The following CPEB3 variants were observed in gnomAD, a reference collection of about 807,000 sequenced individuals.
CPEB3 encodes cytoplasmic polyadenylation element-binding protein 3.
Under a neutral mutation model 67.2 loss-of-function variants are expected in CPEB3, and 20 were observed. The observed-to-expected ratio is 0.30, with a 90% CI of 0.21 to 0.43. The LOEUF (loss-of-function observed/expected upper bound fraction) is 0.43, where lower values mean the gene tolerates loss of function less well. Among genes scored for constraint, CPEB3 ranks in the 20% least tolerant of loss-of-function variants. The pLI is 1.00. For synonymous variants in CPEB3, 376 were observed against 393.1 expected (o/e 0.96, Z 0.51); for missense variants, 746 against 968.6 (o/e 0.77, Z 3.05).
At chr10:92,123,235 C>T (rs974478808) in intron 6 of CPEB3, among the ~76,000 whole-genome samples, 7 of 152,134 alleles carry the variant, frequency 4.6e-5, no homozygotes, top group Non-Finnish European at 1.0e-4. Context: ...ATAAAGAGGT[C>T]CTTGTGAAGT....
chr10:92,216,330 C>T, intron 2 of CPEB3: 4 of 1,595,742 alleles, frequency 2.5e-6, no homozygotes, highest in African/African-American at 1.3e-5. Context: ...GCGGCCGCTG[C>T]GATGACCAAA....
At chr10:92,144,780 T>G (rs770248616) in intron 5 of CPEB3, among the ~76,000 whole-genome samples, 165 bp downstream of exon 5, 1 of 152,182 alleles carries the variant, frequency 6.6e-6, no homozygotes, top group Non-Finnish European at 1.5e-5. Context: ...TAACATGAAG[T>G]ACTTAGTACA....
intron 1 of CPEB3, among the ~76,000 whole-genome samples, chr10:92,266,230 A>T (rs1186555383): frequency 6.6e-6 from 1 of 152,198 alleles, no homozygotes; most frequent in African/African-American, 2.4e-5. Context: ...AGCGACAGAA[A>T]ACAGACTAAG....
Position 92,099,756 on chromosome 10 carries a change from C to T in CPEB3, c.1573-7812G>A, listed in dbSNP as rs140306129. On this transcript the variant is annotated intron_variant, in intron 7 of 9. Transcript: ENST00000265997. Reference sequence around the variant, plus strand: ...GCAGGTGCCTAAAATCCCAGCTTCTCGGGAGGCTGAGGCAGGAGAATTGCC... The same window carrying T: ...GCAGGTGCCTAAAATCCCAGCTTCTTGGGAGGCTGAGGCAGGAGAATTGCC... Among the ~76,000 whole-genome samples the T allele has an allele frequency of 1.8e-3, 268 of 151,354 alleles. 1 individual carries two copies. The highest frequency in any genetic ancestry group is 6.2e-3 in the African/African-American group (256 of 41,252).
intron 1 of CPEB3, among the ~76,000 whole-genome samples, chr10:92,250,822 T>C (rs868097857): frequency 7.3e-5 from 11 of 151,166 alleles, no homozygotes; most frequent in Middle Eastern, 7.0e-3. Flanking sequence ...CCCAAGTAGC[T>C]GGGACTACAG....
intron 2 of CPEB3, among the ~76,000 whole-genome samples, chr10:92,211,641 A>G (rs548513812): frequency 2.6e-4 from 39 of 151,706 alleles, no homozygotes; most frequent in Admixed American, 2.2e-3. Context: ...GGTTCAAGCA[A>G]TTCTCCTGCC....
chr10:92,290,208 C>A (rs1842790560), intron 1 of CPEB3, among the ~76,000 whole-genome samples: 1 of 152,116 alleles, frequency 6.6e-6, no homozygotes, highest in Non-Finnish European at 1.5e-5. Context: ...CCAATCACAG[C>A]CCTAGAGAAA....
chr10:92,115,844 G>C (rs1342328830), intron 6 of CPEB3, among the ~76,000 whole-genome samples: 1 of 152,150 alleles, frequency 6.6e-6, no homozygotes, highest in African/African-American at 2.4e-5. Flanking sequence ...AAAAAATTTA[G>C]TATGCGATCA....
intron 6 of CPEB3, among the ~76,000 whole-genome samples, chr10:92,115,130 CCGGGCCACCACCGA>C (rs1844949103): frequency 6.6e-6 from 1 of 152,118 alleles, no homozygotes; most frequent in South Asian, 2.1e-4. Context: ...CCCGGGACCG[CCGGGCCACCACCGA>C]CCGCCTCAGC....
chr10:92,168,791 C>CTTT (rs748498383), intron 4 of CPEB3, among the ~76,000 whole-genome samples: 19 of 118,364 alleles, frequency 1.6e-4, no homozygotes, highest in Non-Finnish European at 2.2e-4. Flanking sequence ...ACCTCTTGCC[C>CTTT]TTTTTTTTTT....
intron 4 of CPEB3, among the ~76,000 whole-genome samples, chr10:92,165,403 C>CTTTTTTTTTTTTT (rs34205234): frequency 2.5e-5 from 3 of 121,474 alleles, no homozygotes; most frequent in Non-Finnish European, 3.2e-5. Flanking sequence ...CTTTTTTCTT[C>CTTTTTTTTTTTTT]TTTTTTTTTT....
At chr10:92,229,125 G>A (rs1851137498) in intron 2 of CPEB3, among the ~76,000 whole-genome samples, 1 of 151,914 alleles carries the variant, frequency 6.6e-6, no homozygotes. Flanking sequence ...CTGGGCTCAA[G>A]CAATCCTCCT....
intron 7 of CPEB3, among the ~76,000 whole-genome samples, chr10:92,105,603 C>T (rs1282879160): frequency 1.3e-5 from 2 of 152,018 alleles, no homozygotes; most frequent in Admixed American, 6.6e-5. Context: ...CTCCAAAGTA[C>T]ATAATCTGTA....
At chr10:92,220,792 AAGTAAC>A (rs1048878691) in intron 2 of CPEB3, among the ~76,000 whole-genome samples, 3 of 152,210 alleles carry the variant, frequency 2.0e-5, no homozygotes, top group Non-Finnish European at 2.9e-5. Context: ...AATAGAAACA[AAGTAAC>A]AGATGATGGT....
At chr10:92,101,832 T>C (rs1440565250) in intron 7 of CPEB3, among the ~76,000 whole-genome samples, 1 of 152,146 alleles carries the variant, frequency 6.6e-6, no homozygotes, top group Non-Finnish European at 1.5e-5. Flanking sequence ...CGCTTGAACC[T>C]GGAAGGCAGA....
intron 7 of CPEB3, among the ~76,000 whole-genome samples, chr10:92,107,473 T>C (rs1539468): frequency 0.39 from 59,932 of 152,040 alleles, 12,690 homozygotes; most frequent in African/African-American, 0.55. Context: ...CCACCTTCTT[T>C]TCAAGATTAC....
At chr10:92,134,834 G>C (rs1430150690) in intron 6 of CPEB3, among the ~76,000 whole-genome samples, 1 of 151,836 alleles carries the variant, frequency 6.6e-6, no homozygotes, top group Non-Finnish European at 1.5e-5. Context: ...CAATGGAATA[G>C]AACAGAGGCC....
intron 9 of CPEB3, among the ~76,000 whole-genome samples, chr10:92,062,461 G>A (rs1842392409): frequency 6.6e-6 from 1 of 152,146 alleles, no homozygotes. Context: ...TTTGGGTCAA[G>A]TGGATTCACC....
chr10:92,263,933 A>T (rs545626124), intron 1 of CPEB3, among the ~76,000 whole-genome samples: 9 of 152,344 alleles, frequency 5.9e-5, no homozygotes, highest in South Asian at 2.1e-4. Context: ...CTATGTAGGC[A>T]TCTAGATAAG....
Sources: gnomAD v4.1 joint callset for allele counts (sites outside exome capture counted in the v4.1 genomes callset) on GRCh38, gnomAD v4.1.1 for gene constraint, MANE v1.5 for transcripts, NCBI Gene and HGNC (gene_info 2026-07-23, HGNC 2026-07-21) for gene names.